Variants in ABCC9 observed in about 807,000 individuals in gnomAD.
ABCC9 encodes the protein ATP binding cassette subfamily C member 9, also known as ATP-binding cassette sub-family C member 9.
In ABCC9, 95 loss-of-function variants were observed where a neutral mutation model predicts 188.3. The observed-to-expected ratio is 0.50, with a 90% CI of 0.43 to 0.60. The LOEUF (loss-of-function observed/expected upper bound fraction) is 0.60. ABCC9 is among the 20% of genes least tolerant of loss of function. The pLI, the probability that ABCC9 is intolerant of heterozygous loss-of-function variation, is 0.00. For missense variants in ABCC9, 1,102 were observed against 1,876.3 expected (o/e 0.59, Z 7.62); for synonymous variants, 659 against 652.7 (o/e 1.01, Z -0.15).
At chr12:21,914,720 A>G in intron 7 of ABCC9, among the ~76,000 whole-genome samples, 1 of 152,108 alleles carries the variant, frequency 6.6e-6, no homozygotes, top group South Asian at 2.1e-4. Flanking sequence ...GACATGTCCC[A>G]GAGAAAAGAC....
chr12:21,827,099 C>CT (rs1943426140), intron 31 of ABCC9: 9 of 985,136 alleles, frequency 9.1e-6, no homozygotes, highest in Middle Eastern at 5.2e-4. Context: ...GGTTCAACTG[C>CT]TTTTTCACGT....
Position 21,863,054 on chromosome 12 carries a change from A to C in ABCC9, c.2238T>G (p.Ser746Arg). 6.3e-7 allele frequency: 1 copy of C among 1,595,354 alleles called. No individual in the cohort carries two copies. The highest frequency in any genetic ancestry group is 8.6e-7 in the Non-Finnish European group (1 of 1,168,894). Residue 746 changes from serine (S) to arginine (R), a missense_variant and splice_region_variant, in exon 20 of 40, where the codon AGT becomes AGG. This residue lies in a region of ABCC9 where 258 missense variants were observed against 325.6 expected (regional missense o/e 0.79). Transcript: ENST00000261200. Reference protein sequence around the residue: ...ESEPSFEATRSRNRYSVAYAA... With the variant: ...ESEPSFEATRRRNRYSVAYAA... ...CATATGCCACAGAGTACCTGTTCCT[A>C]CTGAAAAATGAAAAAGAAAAAAAAA...
intron 5 of ABCC9, among the ~76,000 whole-genome samples, chr12:21,918,840 AG>A: frequency 6.6e-6 from 1 of 152,114 alleles, no homozygotes; most frequent in Non-Finnish European, 1.5e-5. Context: ...AGAGTCATAA[AG>A]GGCAGGAACA....
chr12:21,921,343 T>A (rs548236634), intron 5 of ABCC9, among the ~76,000 whole-genome samples: 1 of 152,232 alleles, frequency 6.6e-6, no homozygotes, highest in South Asian at 2.1e-4. Flanking sequence ...CACCTTTTAA[T>A]ACACGTTTGC....
intron 31 of ABCC9, among the ~76,000 whole-genome samples, chr12:21,821,637 C>T (rs1943043909): frequency 1.3e-5 from 2 of 151,988 alleles, no homozygotes; most frequent in African/African-American, 4.8e-5. Context: ...GTCAATTTCT[C>T]GCTATTGAGT....
At chr12:21,839,090 A>G (rs564048268) in intron 29 of ABCC9, among the ~76,000 whole-genome samples, 17 of 152,320 alleles carry the variant, frequency 1.1e-4, no homozygotes, top group Admixed American at 9.2e-4. Context: ...ATAACTTGGG[A>G]GACAATGTAC....
chr12:21,916,937 C>T lies in ABCC9; in HGVS notation c.573G>A (p.Arg191=), dbSNP rs1948622763. The T allele has an allele frequency of 6.2e-7, 1 of 1,610,094 alleles. No individual in the cohort carries two copies. ...TAAACAAAAGCCATTAGCTACCTAC[C>T]CTGACTCGAATGACATTGATCTCCA... The part of the protein sequence containing the change: ...MAVEINVIRV[R]RYVFFMNPQK... Residue 191 remains arginine (R), a splice_region_variant and synonymous_variant, in exon 6 of 40, where the codon AGG becomes AGA. Transcript: ENST00000261200.
chr12:21,845,597 T>C lies in ABCC9; in HGVS notation c.3096+6A>G, dbSNP rs758075581. 3 of 1,611,728 alleles carry C rather than the reference T, an allele frequency of 1.9e-6. No homozygotes were observed. The highest frequency in any genetic ancestry group is 2.5e-6 in the Non-Finnish European group (3 of 1,178,274). ...TGATTTAAAAACAAAACCGAACCAA[T>C]TGTACCTGATCAGCTTTTCCAGTAT... On this transcript the variant is annotated splice_donor_region_variant and intron_variant, in intron 26 of 39. Coordinates refer to ENST00000261200, the MANE Select transcript of ABCC9 (RefSeq NM_020297.4).
intron 17 of ABCC9, 43 bp downstream of exon 17, chr12:21,875,611 C>T (rs776769160): frequency 3.0e-5 from 42 of 1,385,244 alleles, no homozygotes; most frequent in East Asian, 2.3e-4. Context: ...ACTATGGTTA[C>T]GGTCATGAAC....
chr12:21,910,668 GCT>G lies in ABCC9; in HGVS notation c.1164+156_1164+157del, dbSNP rs566557866. On this transcript the variant is annotated intron_variant, in intron 9 of 39. Transcript: ENST00000261200. ...TTTAATTCAATAGGTTTATTAATTA[GCT>G]CTGTTTCTTTCATTAAGTAGATTAT... Among the ~76,000 whole-genome samples, 176 of 151,928 alleles carry G rather than the reference GCT, an allele frequency of 1.2e-3. 3 individuals carry two copies. Among genetic ancestry groups the G allele is most frequent in the Middle Eastern group, 0.01 (3 of 294 alleles).
chr12:21,832,867 C>A (rs959289162), intron 30 of ABCC9, among the ~76,000 whole-genome samples: 1 of 152,146 alleles, frequency 6.6e-6, no homozygotes, highest in African/African-American at 2.4e-5. Flanking sequence ...AATATGGAAC[C>A]AGCCTAAATG....
At chr12:21,897,691 G>C (rs139761932) in intron 12 of ABCC9, among the ~76,000 whole-genome samples, 3 of 152,158 alleles carry the variant, frequency 2.0e-5, no homozygotes, top group African/African-American at 7.2e-5. Flanking sequence ...CAACAAGATT[G>C]TACTGAACAA....
At chr12:21,864,503 T>C in intron 18 of ABCC9, 26 bp from the exon 19 acceptor site, 1 of 1,534,598 alleles carries the variant, frequency 6.5e-7, no homozygotes, top group Non-Finnish European at 9.0e-7. Context: ...ACAATGTTCA[T>C]TAATTATGAA....
At chr12:21,928,427 GAAAA>G (rs1029069915) in intron 4 of ABCC9, among the ~76,000 whole-genome samples, 1 of 144,112 alleles carries the variant, frequency 6.9e-6, no homozygotes, top group Non-Finnish European at 1.5e-5. Flanking sequence ...AAAGAAGAAA[GAAAA>G]AAAGAAAAGA....
intron 24 of ABCC9, 93 bp from the exon 25 acceptor site, chr12:21,848,339 CT>C: frequency 9.1e-7 from 1 of 1,094,762 alleles, no homozygotes; most frequent in Non-Finnish European, 1.4e-6. Context: ...GGTTAGTTAC[CT>C]TTACCAATCT....
intron 36 of ABCC9, among the ~76,000 whole-genome samples, chr12:21,811,727 G>A (rs531710460): frequency 2.0e-5 from 3 of 152,212 alleles, no homozygotes; most frequent in African/African-American, 4.8e-5. Context: ...GCTGAGGTCA[G>A]GCCAGACACA....
rs1942704989 is a variant in ABCC9 at position 21,817,206 on chromosome 12, C to T, written c.3873G>A (p.Glu1291=). Reference sequence around the variant, plus strand: ...CAATACCCATTGTGCCTTCATAGTTCTCTGACTCCATAGTCAGGAAACTGT... The same window carrying T: ...CAATACCCATTGTGCCTTCATAGTTTTCTGACTCCATAGTCAGGAAACTGT... ...KVNSFLTMES[E]NYEGTMDPSQ... The change falls in exon 33 of 40, where the codon GAG becomes GAA. Residue 1291 remains glutamate, a synonymous_variant. Transcript: ENST00000261200. 6.2e-7 allele frequency: 1 copy of T among 1,613,658 alleles called. No individual in the cohort carries two copies.
rs559944496 is a variant in ABCC9, at chr12:21,807,154, T to G, written c.4449+192A>C. 3.9e-5 allele frequency among the ~76,000 whole-genome samples: 6 copies of G among 152,328 alleles called. No homozygotes were observed. The East Asian group carries it at 9.6e-4, about 24-fold the overall frequency. On this transcript the variant is annotated intron_variant, in intron 38 of 39. Transcript: ENST00000261200. ...TATGTTGATTGGTGATAGGAATGCC[T>G]TTCAACCATATGTTGGGCCCTATTT...
At chr12:21,847,192 A>G (rs1007466919) in intron 25 of ABCC9, among the ~76,000 whole-genome samples, 1 of 152,156 alleles carries the variant, frequency 6.6e-6, no homozygotes, top group Non-Finnish European at 1.5e-5. Flanking sequence ...AGCCAAGGGC[A>G]CAGTCAGCAT....
Sources: gnomAD v4.1 joint callset for allele counts (sites outside exome capture counted in the v4.1 genomes callset) on GRCh38, gnomAD v4.1.1 for gene constraint, gnomAD v4.1.1 regional missense constraint, MANE v1.5 for transcripts, NCBI Gene and HGNC (gene_info 2026-07-23, HGNC 2026-07-21) for gene names.